The following LMF1 variants were observed in gnomAD, a reference collection of about 807,000 sequenced individuals.
LMF1 encodes the protein lipase maturation factor 1.
LMF1 carries 68 observed loss-of-function variants against 60.6 expected under a neutral mutation model. The ratio of observed to expected loss-of-function variants is 1.12; its 90% CI spans 0.92 to 1.37. The LOEUF (loss-of-function observed/expected upper bound fraction) is 1.37. Ranked by LOEUF, LMF1 falls within the 40% of genes most tolerant of loss-of-function variation. The pLI is 0.00. For synonymous variants in LMF1, 418 were observed against 324.7 expected (o/e 1.29, Z -3.09); for missense variants, 948 against 767.2 (o/e 1.24, Z -2.78).
Position 910,967 on chromosome 16 carries a change from G to A in LMF1, c.627C>T (p.Gly209=), listed in dbSNP as rs752116182. 3 of 1,613,020 alleles carry A rather than the reference G, an allele frequency of 1.9e-6. No individual in the cohort carries two copies. The highest frequency in any genetic ancestry group is 1.1e-5 in the South Asian group (1 of 91,082). The change falls in exon 4 of 11, where the codon GGC becomes GGT. Residue 209 remains glycine, a synonymous_variant. Coordinates refer to ENST00000262301, the MANE Select transcript of LMF1 (RefSeq NM_022773.4). ...TGATCCTGAAGATCAGCCACCGGAA[G>A]CCCCACAGGACAATCCGGGATGTGG... ...HTPTSRIVLW[G]FRWLIFRIML...
rs1197204231 is a variant in LMF1 at position 962,824 on chromosome 16, T to TA, written c.193+7963dup. Among the ~76,000 whole-genome samples the TA allele has an allele frequency of 1.3e-5, 2 of 152,138 alleles. No individual in the cohort carries two copies. Among genetic ancestry groups the TA allele is most frequent in the East Asian group, 1.9e-4 (1 of 5,190 alleles). On this transcript the variant is annotated intron_variant, in intron 1 of 10. Coordinates refer to ENST00000262301, the MANE Select transcript of LMF1 (RefSeq NM_022773.4). This position sits in a 1 kb window ranked among gnomAD's most constrained non-coding sequence, Gnocchi z 4.5. Reference sequence around the variant, plus strand: ...TTTCAGTTAATAGTTTTATTTTTAATAAAAAAATTTTAAAAAGTAAAGGTT... The same window carrying TA: ...TTTCAGTTAATAGTTTTATTTTTAATAAAAAAAATTTTAAAAAGTAAAGGTT...
At chr16:967,316 G>A (rs768729143) in intron 1 of LMF1, among the ~76,000 whole-genome samples, 1 of 152,220 alleles carries the variant, frequency 6.6e-6, no homozygotes, top group South Asian at 2.1e-4. Flanking sequence ...CGCAGGGAAC[G>A]CCGGGCCACA....
chr16:893,046 C>T lies in LMF1; in HGVS notation c.690G>A (p.Arg230=). 1 of 1,553,222 alleles carries T rather than the reference C, an allele frequency of 6.4e-7. No homozygotes were observed. Among genetic ancestry groups the T allele is most frequent in the Non-Finnish European group, 8.7e-7 (1 of 1,148,612 alleles). Residue 230 remains arginine, a synonymous_variant, in exon 5 of 11, where the codon CGG becomes CGA. Coordinates refer to ENST00000262301, the MANE Select transcript of LMF1 (RefSeq NM_022773.4). ...GAGLIKIRGD[R]CWRDLTCMDF... ...CCATGCAGGTGAGGTCTCGCCAGCA[C>T]CGGTCCCCCCGGATCTTGATCAGGC...
intron 10 of LMF1, among the ~76,000 whole-genome samples, chr16:860,055 T>G (rs180983044): frequency 4.6e-4 from 67 of 146,636 alleles, no homozygotes; most frequent in South Asian, 2.7e-3. Flanking sequence ...GTGCACCTTC[T>G]TTGGTGAAAC....
At chr16:928,914 G>T (rs1226243246) in intron 3 of LMF1, among the ~76,000 whole-genome samples, 1 of 152,210 alleles carries the variant, frequency 6.6e-6, no homozygotes, top group African/African-American at 2.4e-5. Context: ...AAAGGCCTTG[G>T]GAACCTGTTG....
intron 10 of LMF1, chr16:856,037 A>G (rs1447294634): frequency 6.7e-6 from 3 of 448,536 alleles, no homozygotes; most frequent in Non-Finnish European, 1.3e-5. Flanking sequence ...CTCTGGGTGG[A>G]GGAGGGTCCC....
chr16:907,454 C>T (rs1446482292), intron 4 of LMF1, among the ~76,000 whole-genome samples: 1 of 152,112 alleles, frequency 6.6e-6, no homozygotes, highest in East Asian at 1.9e-4. Flanking sequence ...GCCTTGAGGC[C>T]TGCAGCTGAC....
chr16:967,329 G>A (rs1170279405), intron 1 of LMF1, among the ~76,000 whole-genome samples: 3 of 152,206 alleles, frequency 2.0e-5, no homozygotes, highest in Non-Finnish European at 2.9e-5. Context: ...GGGCCACAAC[G>A]TCGACGCACG....
At chr16:971,005 G>T, upstream of LMF1, 1 of 632,948 alleles carries the variant, frequency 1.6e-6, no homozygotes, top group Non-Finnish European at 2.0e-6. Context: ...CACTCCCGGA[G>T]GCCCCGCCCA....
chr16:915,834 G>T (rs536763017), intron 3 of LMF1, among the ~76,000 whole-genome samples: 6 of 152,048 alleles, frequency 3.9e-5, no homozygotes, highest in African/African-American at 1.5e-4. Context: ...GGCCGGAGCA[G>T]GTGAGATGCA....
At chr16:875,861 G>A (rs971101462) in intron 6 of LMF1, among the ~76,000 whole-genome samples, 7 of 152,138 alleles carry the variant, frequency 4.6e-5, no homozygotes, top group South Asian at 2.1e-4. Flanking sequence ...GGTGACTCCC[G>A]GGAGTCTCCA....
intron 3 of LMF1, among the ~76,000 whole-genome samples, chr16:913,047 G>A (rs575180070): frequency 9.2e-5 from 14 of 152,340 alleles, no homozygotes; most frequent in African/African-American, 3.1e-4. Context: ...CCACTGCCGG[G>A]GAGAGGAGCC....
chr16:919,010 CT>C (rs2071357208), intron 3 of LMF1, among the ~76,000 whole-genome samples: 1 of 152,170 alleles, frequency 6.6e-6, no homozygotes, highest in Admixed American at 6.5e-5. Flanking sequence ...GCCTCCTGGG[CT>C]GGAGCCCGCA....
intron 3 of LMF1, among the ~76,000 whole-genome samples, chr16:917,195 C>T (rs535761116): frequency 1.3e-5 from 2 of 152,368 alleles, no homozygotes; most frequent in African/African-American, 4.8e-5. Flanking sequence ...TCACCACCAT[C>T]TCACCTCCCC....
intron 3 of LMF1, among the ~76,000 whole-genome samples, chr16:927,688 G>A (rs1050075654): frequency 2.6e-5 from 4 of 152,240 alleles, no homozygotes; most frequent in Non-Finnish European, 4.4e-5. Flanking sequence ...GAGCTCACCC[G>A]GCGATCGCTT....
chr16:888,540 C>T (rs1776117032), intron 5 of LMF1, among the ~76,000 whole-genome samples: 1 of 152,226 alleles, frequency 6.6e-6, no homozygotes, highest in Admixed American at 6.5e-5. Flanking sequence ...ATTTCAGCAG[C>T]TAGTGCCATC....
intron 3 of LMF1, among the ~76,000 whole-genome samples, chr16:926,898 C>CG (rs1415012874): frequency 6.6e-6 from 1 of 152,208 alleles, no homozygotes; most frequent in East Asian, 1.9e-4. Flanking sequence ...GACGGCACCC[C>CG]GGGCCTATGC....
intron 3 of LMF1, among the ~76,000 whole-genome samples, chr16:919,907 G>A (rs1479118185): frequency 6.6e-6 from 1 of 152,136 alleles, no homozygotes; most frequent in African/African-American, 2.4e-5. Flanking sequence ...AGGCAGTCAG[G>A]CTCCTGCCCC....
chr16:954,062 G>GCCTCCTACACGTCCACACAGACACAC lies in LMF1; in HGVS notation c.503+294_503+295insGTGTGTCTGTGTGGACGTGTAGGAGG, dbSNP rs1567312834. 7.2e-4 allele frequency among the ~76,000 whole-genome samples: 80 copies of GCCTCCTACACGTCCACACAGACACAC among 110,744 alleles called. 10 individuals are homozygous for GCCTCCTACACGTCCACACAGACACAC. The highest frequency in any genetic ancestry group is 3.0e-3 in the African/African-American group (75 of 24,682). The allele number at this position is 110,744 out of a possible 152,430, so 72.7% of individuals were successfully genotyped here. On this transcript the variant is annotated intron_variant, in intron 2 of 10. Coordinates refer to ENST00000262301, the MANE Select transcript of LMF1 (RefSeq NM_022773.4). ...CCTCCTACACGTCCACACAGACACAGACCCACTGCTTCTGCCTCCCTTTCC... is the reference window on the plus strand; with the variant it reads ...CCTCCTACACGTCCACACAGACACAGCCTCCTACACGTCCACACAGACACACACCCACTGCTTCTGCCTCCCTTTCC...
Sources: allele counts gnomAD v4.1 joint callset (sites outside exome capture counted in the v4.1 genomes callset), GRCh38; gene constraint gnomAD v4.1.1; non-coding constraint Gnocchi (gnomAD v3.1); transcripts MANE v1.5; gene names NCBI Gene and HGNC (gene_info 2026-07-23, HGNC 2026-07-21).